SCFD2: variants seen among roughly 807,000 people sequenced by gnomAD.
SCFD2 encodes sec1 family domain-containing protein 2.
In SCFD2, 54 loss-of-function variants were observed where a neutral mutation model predicts 58.9. The ratio of observed to expected loss-of-function variants is 0.92; its 90% CI spans 0.74 to 1.15. The LOEUF (loss-of-function observed/expected upper bound fraction) is 1.15. SCFD2 is among the 50% of genes most tolerant of loss of function. The probability of loss-of-function intolerance (pLI) is 0.00; values close to 1 mark genes in which losing one functional copy is unlikely to be tolerated. For missense variants in SCFD2, 805 were observed against 836.6 expected, an observed-to-expected ratio of 0.96 and a Z score of 0.47; for synonymous variants, 321 against 335.9, an observed-to-expected ratio of 0.96 and a Z score of 0.49.
intron 8 of SCFD2, among the ~76,000 whole-genome samples, chr4:52,874,730 G>A (rs750327198): frequency 6.6e-6 from 1 of 152,174 alleles, no homozygotes; most frequent in Non-Finnish European, 1.5e-5. Context: ...GTCTGTTGCT[G>A]TGTCCAAATT....
intron 2 of SCFD2, among the ~76,000 whole-genome samples, chr4:53,345,831 G>A (rs745759654): frequency 5.3e-5 from 8 of 151,952 alleles, no homozygotes; most frequent in Non-Finnish European, 8.8e-5. Context: ...ATCATTCTCA[G>A]CAAACTATCA....
At chr4:53,295,630 C>A (rs1318203860) in intron 3 of SCFD2, among the ~76,000 whole-genome samples, 1 of 152,128 alleles carries the variant, frequency 6.6e-6, no homozygotes, top group African/African-American at 2.4e-5. Context: ...ACCTTTATTT[C>A]TTTCTCTTGC....
chr4:52,881,573 T>A lies in SCFD2; in HGVS notation c.1962+4174A>T, dbSNP rs1357530886. On this transcript the variant is annotated intron_variant, in intron 8 of 8. Transcript: ENST00000401642. ...ATGTTTTTGCTTTTTAGATAGTCAA[T>A]AAATGCCTGCTGAATCATTAGTTAA... 2.0e-5 allele frequency among the ~76,000 whole-genome samples: 3 copies of A among 152,232 alleles called. No individual in the cohort carries two copies. In the East Asian group the frequency reaches 5.8e-4, roughly 29 times the overall value.
intron 7 of SCFD2, among the ~76,000 whole-genome samples, chr4:52,905,466 C>G (rs981898385): frequency 2.0e-5 from 3 of 152,350 alleles, no homozygotes; most frequent in East Asian, 1.9e-4. Flanking sequence ...AACTCTCCCC[C>G]ACCCCCTGTA....
intron 5 of SCFD2, among the ~76,000 whole-genome samples, chr4:53,124,372 T>C (rs140676616): frequency 3.1e-4 from 47 of 152,296 alleles, no homozygotes; most frequent in Non-Finnish European, 6.0e-4. Context: ...AAAAGAAGCA[T>C]AGAAAGTAAG....
intron 5 of SCFD2, chr4:52,956,468 C>G (rs1720715264): frequency 1.4e-5 from 5 of 353,302 alleles, no homozygotes; most frequent in South Asian, 1.1e-4. Flanking sequence ...GGTCCTGGGA[C>G]AGTGCAACGA....
At chr4:53,145,301 G>A (rs1726291484) in intron 5 of SCFD2, 32 bp downstream of exon 5, 1 of 1,610,260 alleles carries the variant, frequency 6.2e-7, no homozygotes, top group Non-Finnish European at 8.5e-7. Flanking sequence ...TATCAGTGAT[G>A]TTTGTGTCCT....
intron 2 of SCFD2, among the ~76,000 whole-genome samples, chr4:53,343,102 G>T (rs886079925): frequency 1.3e-5 from 2 of 151,990 alleles, no homozygotes; most frequent in Non-Finnish European, 2.9e-5. Context: ...AAGAAATAAC[G>T]AAGATCAGAG....
At chr4:53,055,006 C>T (rs10005102) in intron 5 of SCFD2, among the ~76,000 whole-genome samples, 171 of 152,178 alleles carry the variant, frequency 1.1e-3, no homozygotes, top group African/African-American at 4.0e-3. Flanking sequence ...GCAGCAATAA[C>T]AATAATGAAG....
intron 8 of SCFD2, among the ~76,000 whole-genome samples, chr4:52,880,997 T>C (rs1247424823): frequency 2.0e-5 from 3 of 152,258 alleles, no homozygotes; most frequent in Non-Finnish European, 4.4e-5. Context: ...CACTTGGTGT[T>C]TGTGGCAGTT....
intron 5 of SCFD2, among the ~76,000 whole-genome samples, chr4:53,000,846 T>C (rs1325819252): frequency 6.6e-6 from 1 of 152,036 alleles, no homozygotes; most frequent in African/African-American, 2.4e-5. Context: ...TGAAAAAGGG[T>C]CTTTGCCTAC....
At chr4:53,282,916 C>T (rs1433147811) in intron 3 of SCFD2, among the ~76,000 whole-genome samples, 1 of 151,962 alleles carries the variant, frequency 6.6e-6, no homozygotes, top group East Asian at 1.9e-4. Context: ...GCTCCCACCT[C>T]GATAAGAGGC....
intron 4 of SCFD2, among the ~76,000 whole-genome samples, chr4:53,245,264 G>A (rs1326546075): frequency 1.3e-4 from 19 of 151,924 alleles, no homozygotes; most frequent in Admixed American, 1.1e-3. Flanking sequence ...CATGAGGCCC[G>A]AATTATCCTG....
At chr4:53,268,795 C>T (rs1420799683) in intron 4 of SCFD2, among the ~76,000 whole-genome samples, 3 of 151,948 alleles carry the variant, frequency 2.0e-5, no homozygotes, top group East Asian at 1.9e-4. Context: ...AGAGAACATC[C>T]GTGTGGGCTT....
intron 5 of SCFD2, among the ~76,000 whole-genome samples, chr4:53,042,334 T>C (rs907763723): frequency 9.2e-5 from 14 of 151,810 alleles, no homozygotes; most frequent in Admixed American, 2.0e-4. Context: ...AATGTGTGTG[T>C]GTGTATATAT....
At chr4:52,899,416 T>C (rs1381369073) in intron 7 of SCFD2, among the ~76,000 whole-genome samples, 1 of 152,174 alleles carries the variant, frequency 6.6e-6, no homozygotes, top group East Asian at 1.9e-4. Flanking sequence ...TGAAGCTTAG[T>C]TTGGCTGGAT....
chr4:53,189,324 A>G (rs906823514), intron 4 of SCFD2, among the ~76,000 whole-genome samples: 1 of 152,216 alleles, frequency 6.6e-6, no homozygotes, highest in Non-Finnish European at 1.5e-5. Context: ...ATTCATCACC[A>G]TCTGATTTAG....
intron 5 of SCFD2, among the ~76,000 whole-genome samples, chr4:53,143,260 C>G (rs1346919202): frequency 6.6e-6 from 1 of 152,116 alleles, no homozygotes; most frequent in Non-Finnish European, 1.5e-5. Context: ...TCCAAATAAC[C>G]TAGGTTAAAA....
intron 5 of SCFD2, among the ~76,000 whole-genome samples, chr4:53,051,190 T>C (rs1233736381): frequency 2.0e-5 from 3 of 152,186 alleles, no homozygotes; most frequent in Admixed American, 6.5e-5. Flanking sequence ...ATAAATATAA[T>C]TTACAAAAAG....
Sources: allele counts gnomAD v4.1 joint callset (sites outside exome capture counted in the v4.1 genomes callset), GRCh38; gene constraint gnomAD v4.1.1; transcripts MANE v1.5; gene names NCBI Gene and HGNC (gene_info 2026-07-23, HGNC 2026-07-21).